IGF2R: variants seen among roughly 807,000 people sequenced by gnomAD.
IGF2R encodes the protein insulin like growth factor 2 receptor.
A neutral mutation model predicts 270.6 loss-of-function variants in IGF2R; 91 were observed. The observed-to-expected ratio is 0.34, with a 90% CI of 0.28 to 0.40. The LOEUF (loss-of-function observed/expected upper bound fraction) is 0.40. IGF2R is among the 10% of genes least tolerant of loss of function. The pLI, the probability that IGF2R is intolerant of heterozygous loss-of-function variation, is 1.00. For synonymous variants in IGF2R, 1,316 were observed against 1,258.9 expected, an observed-to-expected ratio of 1.05 and a Z score of -0.96; for missense variants, 2,805 against 3,188.3, an observed-to-expected ratio of 0.88 and a Z score of 2.90.
At chr6:160,082,404 G>T (rs1376166165) in intron 39 of IGF2R, among the ~76,000 whole-genome samples, 1 of 151,888 alleles carries the variant, frequency 6.6e-6, no homozygotes, top group Admixed American at 6.6e-5. Flanking sequence ...CCACCTTCTG[G>T]TTTCAAGTGA....
chr6:160,061,657 C>G lies in IGF2R; in HGVS notation c.3406+11C>G, dbSNP rs188455543. On this transcript the variant is annotated intron_variant, in intron 24 of 47. Transcript: ENST00000356956. ...TTCCTGGATGCCAGGGTGAGTTCTC[C>G]TTGGTCTCTTGATTGGCGTCTGTTC... The G allele has an allele frequency of 1.4e-4, 233 of 1,614,048 alleles. 2 individuals carry two copies. The Middle Eastern group carries it at 7.1e-3, about 49-fold the overall frequency.
At chr6:160,011,985 A>C (rs1784342004) in intron 4 of IGF2R, among the ~76,000 whole-genome samples, 1 of 152,220 alleles carries the variant, frequency 6.6e-6, no homozygotes, top group Non-Finnish European at 1.5e-5. Context: ...TTAATAAGAC[A>C]AAAAGAAATG....
intron 45 of IGF2R, among the ~76,000 whole-genome samples, chr6:160,101,965 G>T (rs8191938): frequency 9.5e-4 from 144 of 152,300 alleles, no homozygotes; most frequent in Middle Eastern, 3.4e-3. Flanking sequence ...GAGGAGACCC[G>T]TCGGGGGCTG....
chr6:160,091,137 C>G (rs1779214957), intron 44 of IGF2R, among the ~76,000 whole-genome samples: 1 of 132,704 alleles, frequency 7.5e-6, no homozygotes, highest in African/African-American at 3.0e-5. Context: ...AGCAGGTGCT[C>G]CGTGCCCTGG....
At chr6:160,008,482 G>T (rs1468887802) in intron 2 of IGF2R, among the ~76,000 whole-genome samples, 1 of 152,170 alleles carries the variant, frequency 6.6e-6, no homozygotes, top group Non-Finnish European at 1.5e-5. Flanking sequence ...GACTGTTACA[G>T]TAATGTCCTG....
chr6:160,093,806 G>A, intron 44 of IGF2R: 2 of 736,584 alleles, frequency 2.7e-6, no homozygotes, highest in Non-Finnish European at 2.6e-6. Flanking sequence ...CTCTCGTGAT[G>A]AGCTGTTAAG....
chr6:160,048,184 C>T (rs543240535), intron 17 of IGF2R, among the ~76,000 whole-genome samples, 191 bp from the exon 18 acceptor site: 14 of 152,360 alleles, frequency 9.2e-5, no homozygotes, highest in African/African-American at 2.9e-4. Context: ...TTAAGGTCCA[C>T]TGCATACTGA....
rs758656646 is a variant in IGF2R, at chr6:160,010,707, T to G, written c.435T>G (p.Thr145=). The G allele has an allele frequency of 2.5e-6, 4 of 1,607,614 alleles. No homozygotes were observed. The highest frequency in any genetic ancestry group is 2.2e-5 in the East Asian group (1 of 44,860). ...AATAGGGAACTCCTGAATTTGTAAC[T>G]GCAACAGAATGTGTGCACTACTTTG... is the stretch of plus-strand genomic sequence containing the variant. ...GKTLGTPEFV[T]ATECVHYFEW... The change falls in exon 4 of 48, where the codon ACT becomes ACG. Residue 145 remains threonine, a synonymous_variant. Transcript: ENST00000356956.
chr6:159,976,702 CTATCTG>C (rs1783699288), intron 1 of IGF2R, among the ~76,000 whole-genome samples: 1 of 151,192 alleles, frequency 6.6e-6, no homozygotes, highest in Non-Finnish European at 1.5e-5. Context: ...TTCAAAAGTT[CTATCTG>C]TTTCAACTTC....
intron 39 of IGF2R, 148 bp from the exon 40 acceptor site, chr6:160,083,802 G>C: frequency 1.6e-6 from 1 of 631,618 alleles, no homozygotes; most frequent in East Asian, 2.8e-5. Flanking sequence ...GGGCAGAGTG[G>C]CTGGGGCAAA....
Position 159,969,302 on chromosome 6 carries a change from C to A in IGF2R, c.56C>A (p.Pro19Gln). ...PHLGPAPARR[P>Q]QRSLLLLQLL... ...CTGGGGCCCGCGCCCGCCCGCCGCC[C>A]GCAGCGCTCTCTGCTCCTGCTGCAG... Residue 19 changes from proline to glutamine, a missense_variant, in exon 1 of 48, where the codon CCG (proline) becomes CAG (glutamine). By Grantham distance (76) the Pro-to-Gln change is moderately conservative. Transcript: ENST00000356956. The A allele has an allele frequency of 8.0e-7, 1 of 1,255,374 alleles. No homozygotes were observed. Among genetic ancestry groups the A allele is most frequent in the Non-Finnish European group, 1.0e-6 (1 of 996,734 alleles). The allele number at this position is 1,255,374 out of a possible 1,614,324, so 77.8% of individuals were successfully genotyped here.
At chr6:160,040,521 C>A in intron 10 of IGF2R, 39 bp from the exon 11 acceptor site, 1 of 1,589,294 alleles carries the variant, frequency 6.3e-7, no homozygotes, top group South Asian at 1.1e-5. Flanking sequence ...CAATTTTGGT[C>A]ACGTATGGAG....
At chr6:160,057,653 T>C (rs996983877) in intron 20 of IGF2R, among the ~76,000 whole-genome samples, 1 of 152,236 alleles carries the variant, frequency 6.6e-6, no homozygotes, top group Non-Finnish European at 1.5e-5. Context: ...CTTAAGGGAA[T>C]AATTGAGACA....
At position 160,062,629 on chromosome 6, in the gene IGF2R, G is replaced by T. The variant is rs1417288032; in HGVS notation, c.3670+10G>T. On this transcript the variant is annotated intron_variant, in intron 26 of 47. Transcript: ENST00000356956. The stretch of plus-strand genomic sequence containing the variant: ...GTTGTCAGAGTGGAAGGTAGGACTG[G>T]GCCTGTCCCTACAAGTCATTTTAAA... 1.9e-6 allele frequency: 3 copies of T among 1,596,986 alleles called. No homozygotes were observed. In the East Asian group the frequency reaches 6.7e-5, roughly 36 times the overall value.
intron 32 of IGF2R, among the ~76,000 whole-genome samples, 159 bp from the exon 33 acceptor site, chr6:160,072,606 A>G (rs1448238855): frequency 6.6e-6 from 1 of 152,194 alleles, no homozygotes; most frequent in African/African-American, 2.4e-5. Context: ...CAGTCTCATG[A>G]TACAGCCTGG....
At chr6:160,072,421 G>A (rs1443751929) in intron 32 of IGF2R, among the ~76,000 whole-genome samples, 1 of 152,200 alleles carries the variant, frequency 6.6e-6, no homozygotes, top group Admixed American at 6.5e-5. Context: ...CTGCCCTTGT[G>A]CTGGGCACCC....
chr6:160,099,364 ATGTT>A (rs1779432019), intron 45 of IGF2R, among the ~76,000 whole-genome samples: 1 of 151,492 alleles, frequency 6.6e-6, no homozygotes, highest in Non-Finnish European at 1.5e-5. Context: ...ATGTTATGTT[ATGTT>A]ATGTTATGTT....
At chr6:160,049,057 A>G (rs967284061) in intron 18 of IGF2R, among the ~76,000 whole-genome samples, 3 of 152,210 alleles carry the variant, frequency 2.0e-5, no homozygotes, top group East Asian at 3.9e-4. Context: ...CTTAAAAGAG[A>G]TGTCTCTGGA....
At position 159,998,451 on chromosome 6, in the gene IGF2R, C is replaced by T. The variant is rs746456831; in HGVS notation, c.289+7128C>T. 6.6e-6 allele frequency among the ~76,000 whole-genome samples: 1 copy of T among 152,076 alleles called. No individual in the cohort carries two copies. Among genetic ancestry groups the T allele is most frequent in the Non-Finnish European group, 1.5e-5 (1 of 68,014 alleles). On this transcript the variant is annotated intron_variant, in intron 2 of 47. Coordinates refer to ENST00000356956, the MANE Select transcript of IGF2R (RefSeq NM_000876.4). This position sits in a 1 kb window ranked among gnomAD's most constrained non-coding sequence, Gnocchi z 4.1. ...GTTATTTTTTTGTAGGGAGTGGATC[C>T]ATTACAGATCTTTTGTGATGGTAAC... is the stretch of plus-strand genomic sequence containing the variant.
Sources: gnomAD v4.1 joint callset for allele counts (sites outside exome capture counted in the v4.1 genomes callset) on GRCh38, gnomAD v4.1.1 for gene constraint, Gnocchi (gnomAD v3.1) non-coding constraint, MANE v1.5 for transcripts, NCBI Gene and HGNC (gene_info 2026-07-23, HGNC 2026-07-21) for gene names.